VPS13B: variants seen among roughly 807,000 people sequenced by gnomAD.
VPS13B encodes vacuolar protein sorting 13 homolog B.
A neutral mutation model predicts 426.4 loss-of-function variants in VPS13B; 285 were observed. The ratio of observed to expected loss-of-function variants is 0.67; its 90% CI spans 0.61 to 0.74. The LOEUF is 0.74. Among genes scored for constraint, VPS13B ranks in the 30% least tolerant of loss-of-function variants. VPS13B has a pLI of 0.00. For synonymous variants in VPS13B, 1,676 were observed against 1,676.4 expected (o/e 1.00, Z 0.01); for missense variants, 4,537 against 4,782.6 (o/e 0.95, Z 1.51).
In VPS13B at chr8:99,718,629, G is replaced by T. The variant is rs533002288; in HGVS notation, c.6657+1256G>T. 3.3e-5 allele frequency among the ~76,000 whole-genome samples: 5 copies of T among 151,498 alleles called. No homozygotes were observed. The South Asian group carries it at 6.3e-4, about 19-fold the overall frequency. On this transcript the variant is annotated intron_variant, in intron 37 of 61. Transcript: ENST00000357162. ...GATAGAAAATTAAAACAACTAATTG[G>T]TCAATAATGGAGACATTAAATGTGA...
chr8:99,189,355 C>G (rs1454931309), intron 16 of VPS13B, among the ~76,000 whole-genome samples: 1 of 152,172 alleles, frequency 6.6e-6, no homozygotes, highest in African/African-American at 2.4e-5. Context: ...CTGGGAAATT[C>G]TGGAGAATTT....
intron 14 of VPS13B, among the ~76,000 whole-genome samples, chr8:99,155,428 G>T (rs985462913): frequency 2.6e-5 from 4 of 152,140 alleles, no homozygotes; most frequent in African/African-American, 9.7e-5. Context: ...ATTTAGTATT[G>T]CCTTGAAAGG....
intron 4 of VPS13B, among the ~76,000 whole-genome samples, chr8:99,101,355 A>G (rs558609158): frequency 1.2e-4 from 18 of 152,188 alleles, no homozygotes; most frequent in Non-Finnish European, 2.2e-4. Flanking sequence ...GATGGTCTCC[A>G]TCTTTTGACC....
At chr8:99,467,041 C>G (rs1022125052) in intron 23 of VPS13B, among the ~76,000 whole-genome samples, 1 of 152,056 alleles carries the variant, frequency 6.6e-6, no homozygotes, top group Non-Finnish European at 1.5e-5. Context: ...AGGCTACAGT[C>G]CAAAATCAAG....
Position 99,233,357 on chromosome 8 carries a change from C to A in VPS13B, c.2515+40300C>A, listed in dbSNP as rs1419789399. 5 of 1,072,430 alleles carry A rather than the reference C, an allele frequency of 4.7e-6. No homozygotes were observed. In the African/African-American group the frequency reaches 6.2e-5, roughly 13 times the overall value. 66.4% of individuals were successfully genotyped at this position (1,072,430 alleles called of 1,614,324 possible). ...TCTTTGGGGTTAAAGAAGTTTTCTT[C>A]TTTTAGTTTCCCGAAGATCCGTCCC... On this transcript the variant is annotated intron_variant, in intron 17 of 61. Transcript: ENST00000357162.
intron 3 of VPS13B, among the ~76,000 whole-genome samples, chr8:99,051,370 T>C (rs1347264734): frequency 6.6e-6 from 1 of 151,838 alleles, no homozygotes; most frequent in Non-Finnish European, 1.5e-5. Flanking sequence ...GAGGGCTCTG[T>C]TCTGTTCCAT....
chr8:99,429,005 T>C (rs1454169496), intron 21 of VPS13B, among the ~76,000 whole-genome samples: 1 of 152,092 alleles, frequency 6.6e-6, no homozygotes, highest in African/African-American at 2.4e-5. Context: ...CTGGAAACCA[T>C]CATTCTCAGC....
intron 22 of VPS13B, among the ~76,000 whole-genome samples, chr8:99,438,254 A>G (rs1276112583): frequency 6.6e-6 from 1 of 152,060 alleles, no homozygotes; most frequent in East Asian, 1.9e-4. Context: ...AAGCTGGGCC[A>G]GTTGAATTCT....
At chr8:99,620,554 T>A (rs1245839961) in intron 33 of VPS13B, among the ~76,000 whole-genome samples, 1 of 152,084 alleles carries the variant, frequency 6.6e-6, no homozygotes, top group Non-Finnish European at 1.5e-5. Flanking sequence ...GAGTTCCCAT[T>A]ATGTATGTGC....
intron 17 of VPS13B, among the ~76,000 whole-genome samples, chr8:99,247,716 G>A (rs941750088): frequency 2.2e-4 from 33 of 151,982 alleles, no homozygotes; most frequent in Admixed American, 1.6e-3. Flanking sequence ...TAGCATTTGC[G>A]TTACAACTAT....
At chr8:99,254,785 G>A (rs1312721109) in intron 17 of VPS13B, among the ~76,000 whole-genome samples, 1 of 151,992 alleles carries the variant, frequency 6.6e-6, no homozygotes, top group Non-Finnish European at 1.5e-5. Context: ...TGGGATGACA[G>A]GCACCCACCA....
At chr8:99,055,870 C>T (rs1037255346) in intron 3 of VPS13B, among the ~76,000 whole-genome samples, 2 of 151,096 alleles carry the variant, frequency 1.3e-5, no homozygotes, top group African/African-American at 4.9e-5. Context: ...GCTGGGACCA[C>T]GGGCACATGC....
chr8:99,507,797 G>A (rs775465768), intron 28 of VPS13B: 1 of 1,613,808 alleles, frequency 6.2e-7, no homozygotes, highest in South Asian at 1.1e-5. Flanking sequence ...GGTCTTTGGG[G>A]CAATGTGGAG....
chr8:99,502,109 C>T (rs1163193097), intron 26 of VPS13B, among the ~76,000 whole-genome samples: 2 of 151,898 alleles, frequency 1.3e-5, no homozygotes, highest in Admixed American at 6.6e-5. Context: ...CTCAGCCTCC[C>T]GAATAGCTGA....
chr8:99,233,675 G>A, intron 17 of VPS13B: 1 of 823,944 alleles, frequency 1.2e-6, no homozygotes, highest in Non-Finnish European at 2.2e-6. Context: ...CACAGTGATG[G>A]TTCTTTCCGG....
At position 99,875,586 on chromosome 8, in the gene VPS13B, G is replaced by A. The variant is rs1483075102; in HGVS notation, c.11914G>A (p.Val3972Ile). Residue 3972 changes from valine (V) to isoleucine (I), a missense_variant, in exon 62 of 62, where the codon GTT becomes ATT. Val to Ile is a conservative substitution (Grantham distance 29). Around this residue, in one of 2 missense-constraint regions of VPS13B, gnomAD observed 4,311 missense variants for 4,474.3 expected, o/e 0.96. Transcript: ENST00000357162. ...CACTGTTAAAACATACCATTACCTG[G>A]TTGATCCACATTTTGCTCAGGTCTT... ...PSTVKTYHYL[V>I]DPHFAQVFLS... is the part of the protein sequence containing the mutation. The A allele has an allele frequency of 1.9e-6, 3 of 1,614,172 alleles. No individual in the cohort carries two copies. Among genetic ancestry groups the A allele is most frequent in the Non-Finnish European group, 2.5e-6 (3 of 1,180,020 alleles).
In VPS13B at chr8:99,875,905, A is replaced by ACAC. The variant is rs1665198506; in HGVS notation, c.*240_*242dup. On this transcript the variant is annotated 3_prime_UTR_variant, in exon 62 of 62. Coordinates refer to ENST00000357162, the MANE Select transcript of VPS13B (RefSeq NM_152564.5). ...GCAGCTCTAACATCATCTGATATGG[A>ACAC]CACAAGGCCAACAGTTTCCTTATTT... The ACAC allele has an allele frequency of 1.8e-6, 1 of 555,918 alleles. No individual in the cohort carries two copies. The highest frequency in any genetic ancestry group is 3.1e-5 in the Admixed American group (1 of 32,130). The allele number at this position is 555,918 out of a possible 1,614,324, so 34.4% of individuals were successfully genotyped here. A position where few individuals can be genotyped will look rare whatever the true frequency, so the allele number is the denominator to read the frequency against.
In VPS13B at chr8:99,274,212, A is replaced by C; in HGVS notation, c.2530A>C (p.Asn844His). The stretch of plus-strand genomic sequence containing the variant: ...TCTTTTATTAGGTGTGAAATCTAAG[A>C]ATCCCCTGCCAACTCTTGAGGGCTC... ...IFLSIGVKSK[N>H]PLPTLEGSIQ... Residue 844 changes from asparagine to histidine, a missense_variant, in exon 18 of 62, where the codon AAT becomes CAT. Around this residue, in one of 2 missense-constraint regions of VPS13B, gnomAD observed 4,311 missense variants for 4,474.3 expected, o/e 0.96. Transcript: ENST00000357162. 1 of 1,614,168 alleles carries C rather than the reference A, an allele frequency of 6.2e-7. No individual in the cohort carries two copies. Among genetic ancestry groups the C allele is most frequent in the East Asian group, 2.2e-5 (1 of 44,864 alleles).
rs576496732 is a variant in VPS13B at position 99,876,979 on chromosome 8, A to G, written c.*1313A>G. On this transcript the variant is annotated 3_prime_UTR_variant, in exon 62 of 62. Transcript: ENST00000357162. ...CAAGTGATCTTACTCCAGCCTCCCA[A>G]GCAGCTGGGACTACACCACCACAGG... The G allele has an allele frequency of 6.6e-6, 1 of 152,340 alleles. No homozygotes were observed. The highest frequency in any genetic ancestry group is 2.4e-5 in the African/African-American group (1 of 41,558). The allele number at this position is 152,340 out of a possible 1,614,324, so 9.4% of individuals were successfully genotyped here. A position where few individuals can be genotyped will look rare whatever the true frequency, so the allele number is the denominator to read the frequency against.
Sources: allele counts gnomAD v4.1 joint callset (sites outside exome capture counted in the v4.1 genomes callset), GRCh38; gene constraint gnomAD v4.1.1; regional missense constraint gnomAD v4.1.1; transcripts MANE v1.5; gene names NCBI Gene and HGNC (gene_info 2026-07-23, HGNC 2026-07-21).